The following DMXL2 variants were observed in gnomAD, a reference collection of about 807,000 sequenced individuals.
DMXL2 encodes the protein Dmx like 2, also known as dmX-like protein 2.
Under a neutral mutation model 331.1 loss-of-function variants are expected in DMXL2, and 103 were observed. The ratio of observed to expected loss-of-function variants is 0.31; its 90% CI spans 0.27 to 0.37. The LOEUF (loss-of-function observed/expected upper bound fraction) is 0.37. Among genes scored for constraint, DMXL2 ranks in the 10% least tolerant of loss-of-function variants. The pLI is 1.00. For missense variants in DMXL2, 3,171 were observed against 3,642.9 expected (o/e 0.87, Z 3.33); for synonymous variants, 1,281 against 1,252.1 (o/e 1.02, Z -0.49).
chr15:51,606,790 A>G (rs558367269), intron 1 of DMXL2, among the ~76,000 whole-genome samples: 9 of 152,362 alleles, frequency 5.9e-5, no homozygotes, highest in East Asian at 5.8e-4. Context: ...ACAGCAAATT[A>G]GACATGGCTG....
At chr15:51,576,202 A>AAAAAAAAAAAAAAAAAT in intron 1 of DMXL2, 21 bp from the exon 2 acceptor site, 1 of 1,418,336 alleles carries the variant, frequency 7.1e-7, no homozygotes, top group Non-Finnish European at 9.4e-7. Flanking sequence ...AAAAAAAAAA[A>AAAAAAAAAAAAAAAAAT]AGTTTTACAA....
At chr15:51,564,755 G>A (rs1873042474) in intron 4 of DMXL2, among the ~76,000 whole-genome samples, 1 of 152,038 alleles carries the variant, frequency 6.6e-6, no homozygotes, top group South Asian at 2.1e-4. Flanking sequence ...TGATACAAAT[G>A]ATAAAATGAG....
At chr15:51,491,508 A>C (rs769607370) in intron 20 of DMXL2, 70 bp downstream of exon 20, 53 of 1,446,940 alleles carry the variant, frequency 3.7e-5, no homozygotes, top group Non-Finnish European at 5.0e-5. Flanking sequence ...GTTTTCTGGG[A>C]GATAGTATCT....
intron 1 of DMXL2, among the ~76,000 whole-genome samples, chr15:51,592,452 G>C (rs1288182325): frequency 6.6e-6 from 1 of 152,228 alleles, no homozygotes; most frequent in Non-Finnish European, 1.5e-5. Context: ...TGGTGTACCT[G>C]AAAGTGACAG....
At chr15:51,525,074 G>A (rs1223084264) in intron 13 of DMXL2, among the ~76,000 whole-genome samples, 1 of 151,814 alleles carries the variant, frequency 6.6e-6, no homozygotes, top group Non-Finnish European at 1.5e-5. Context: ...AGCAGGATAA[G>A]ACACCAGTCA....
chr15:51,592,732 A>T (rs1041320040), intron 1 of DMXL2, among the ~76,000 whole-genome samples: 1 of 152,232 alleles, frequency 6.6e-6, no homozygotes, highest in African/African-American at 2.4e-5. Context: ...AAACTCTACA[A>T]GAGCCAGAAG....
chr15:51,517,807 C>T (rs914415316), intron 13 of DMXL2, among the ~76,000 whole-genome samples: 3 of 152,140 alleles, frequency 2.0e-5, no homozygotes, highest in South Asian at 4.1e-4. Context: ...AGGCTAGCTT[C>T]GCCTAGAGAT....
At chr15:51,465,767 A>G (rs960381429) in intron 30 of DMXL2, 116 bp from the exon 31 acceptor site, 1 of 755,340 alleles carries the variant, frequency 1.3e-6, no homozygotes, top group Non-Finnish European at 2.1e-6. Context: ...AAAAGCTGTC[A>G]TTGAAATTTA....
chr15:51,480,651 T>C lies in DMXL2; in HGVS notation c.6455A>G (p.Gln2152Arg). The change falls in exon 24 of 44, where the codon CAA becomes CGA. Residue 2152 changes from glutamine to arginine, a missense_variant. Around this residue, in one of 7 missense-constraint regions of DMXL2, gnomAD observed 197 missense variants for 196.2 expected, o/e 1.00. Coordinates refer to ENST00000560891, the MANE Select transcript of DMXL2 (RefSeq NM_001378457.1). ...ERRKSWLQKN[Q>R]DLLRVFLSYC... The stretch of plus-strand genomic sequence containing the variant: ...GCTGAGAAATACTCTCAGGAGATCT[T>C]GGTTTTTCTGCAACCACGACTTTCG... 1 of 1,612,714 alleles carries C rather than the reference T, an allele frequency of 6.2e-7. No individual in the cohort carries two copies. The highest frequency in any genetic ancestry group is 8.5e-7 in the Non-Finnish European group (1 of 1,178,916).
chr15:51,449,207 A>G lies in DMXL2; in HGVS notation c.8968-14T>C. On this transcript the variant is annotated splice_polypyrimidine_tract_variant and intron_variant, in intron 43 of 43. Coordinates refer to ENST00000560891, the MANE Select transcript of DMXL2 (RefSeq NM_001378457.1). ...CAATCTCCAAACCTAGTGCAAAACAAAAGGAGTTAAAAATATATTACGAAA... is the reference window on the plus strand; with the variant it reads ...CAATCTCCAAACCTAGTGCAAAACAGAAGGAGTTAAAAATATATTACGAAA... The G allele has an allele frequency of 6.2e-7, 1 of 1,613,178 alleles. No individual in the cohort carries two copies. Among genetic ancestry groups the G allele is most frequent in the Non-Finnish European group, 8.5e-7 (1 of 1,179,660 alleles).
At position 51,537,566 on chromosome 15, in the gene DMXL2, G is replaced by C. The variant is rs767938506; in HGVS notation, c.1539C>G (p.His513Gln). ...ACACTAGAAAGGTACCATCTACAGG[G>C]TGTATTGTAAAAAGCATATCAGGAT... Reference protein sequence around the residue: ...NKNPDMLFTIHPVDGTFLVWH... With the variant: ...NKNPDMLFTIQPVDGTFLVWH... The change falls in exon 11 of 44, where the codon CAC (histidine) becomes CAG (glutamine). Residue 513 changes from histidine to glutamine, a missense_variant. This residue lies in a region of DMXL2 where 1,674 missense variants were observed against 1,780.2 expected (regional missense o/e 0.94). Transcript: ENST00000560891. 3.1e-6 allele frequency: 5 copies of C among 1,613,688 alleles called. No homozygotes were observed. The highest frequency in any genetic ancestry group is 4.2e-6 in the Non-Finnish European group (5 of 1,179,802).
intron 8 of DMXL2, 118 bp downstream of exon 8, chr15:51,545,465 T>C: frequency 2.5e-6 from 2 of 801,486 alleles, no homozygotes; most frequent in Non-Finnish European, 3.9e-6. Flanking sequence ...TGAGAGTTTA[T>C]TGCTATTAAT....
intron 15 of DMXL2, among the ~76,000 whole-genome samples, chr15:51,511,485 A>G (rs1330359988): frequency 6.6e-6 from 1 of 152,256 alleles, no homozygotes; most frequent in African/African-American, 2.4e-5. Context: ...CAAAACCACA[A>G]TGAGATACCA....
chr15:51,480,738 G>A lies in DMXL2; in HGVS notation c.6368C>T (p.Ser2123Phe). 1 of 1,601,720 alleles carries A rather than the reference G, an allele frequency of 6.2e-7. No individual in the cohort carries two copies. The highest frequency in any genetic ancestry group is 1.1e-5 in the South Asian group (1 of 90,318). Residue 2123 changes from serine to phenylalanine, a missense_variant, in exon 24 of 44, where the codon TCC (serine) becomes TTC (phenylalanine). Physicochemically the swap from Ser to Phe is radical, Grantham distance 155 (BLOSUM62 -2). Around this residue, in one of 7 missense-constraint regions of DMXL2, gnomAD observed 197 missense variants for 196.2 expected, o/e 1.00. Coordinates refer to ENST00000560891, the MANE Select transcript of DMXL2 (RefSeq NM_001378457.1). ...EEMVDKPDIG[S>F]YERHQIERRR... ...TCTTTCTATTTGATGGCGCTCATAG[G>A]AACCAATATCTGGTTTGTCTACCAT...
intron 1 of DMXL2, among the ~76,000 whole-genome samples, chr15:51,590,163 GC>G (rs1408677853): frequency 1.3e-5 from 2 of 152,070 alleles, no homozygotes; most frequent in Admixed American, 6.5e-5. Context: ...AAAGCCATAG[GC>G]TAGCCAGCAA....
rs140594628 is a variant in DMXL2, at chr15:51,544,118, G to A, written c.930+1465C>T. The stretch of plus-strand genomic sequence containing the variant: ...ATATTGAAAAAAATGTAAAAATAGC[G>A]CCCAATCACAGACAGTGATATAGTT... On this transcript the variant is annotated intron_variant, in intron 8 of 43. Coordinates refer to ENST00000560891, the MANE Select transcript of DMXL2 (RefSeq NM_001378457.1). Among the ~76,000 whole-genome samples the A allele has an allele frequency of 1.8e-4, 27 of 152,114 alleles. No homozygotes were observed. In the East Asian group the frequency reaches 2.9e-3, roughly 16 times the overall value.
At chr15:51,468,713 T>C (rs2040825141) in intron 29 of DMXL2, among the ~76,000 whole-genome samples, 1 of 152,152 alleles carries the variant, frequency 6.6e-6, no homozygotes, top group African/African-American at 2.4e-5. Flanking sequence ...TTCACTGAAA[T>C]AATAAATGTA....
chr15:51,563,909 A>T (rs1225155757), intron 5 of DMXL2, among the ~76,000 whole-genome samples: 2 of 152,122 alleles, frequency 1.3e-5, no homozygotes, highest in East Asian at 1.9e-4. Context: ...TCCTGGGGCT[A>T]TAACTATGAA....
chr15:51,611,365 A>C (rs2053958806), intron 1 of DMXL2, among the ~76,000 whole-genome samples: 1 of 152,218 alleles, frequency 6.6e-6, no homozygotes, highest in Admixed American at 6.5e-5. Context: ...CACAAAATAG[A>C]ATAAATTATT....
Sources: allele counts gnomAD v4.1 joint callset (sites outside exome capture counted in the v4.1 genomes callset), GRCh38; gene constraint gnomAD v4.1.1; regional missense constraint gnomAD v4.1.1; transcripts MANE v1.5; gene names NCBI Gene and HGNC (gene_info 2026-07-23, HGNC 2026-07-21).